GALNS: variants seen among roughly 807,000 people sequenced by gnomAD.
The protein encoded by GALNS is N-acetylgalactosamine-6-sulfatase.
GALNS carries 65 observed loss-of-function variants against 65.9 expected under a neutral mutation model. The observed-to-expected ratio is 0.99, with a 90% CI of 0.81 to 1.21. The LOEUF is 1.21. Ranked by LOEUF, GALNS falls within the 50% of genes most tolerant of loss-of-function variation. GALNS has a pLI of 0.00. For missense variants in GALNS, 776 were observed against 700.7 expected (o/e 1.11, Z -1.21); for synonymous variants, 346 against 288.9 (o/e 1.20, Z -2.00).
intron 1 of GALNS, among the ~76,000 whole-genome samples, chr16:88,853,418 G>A (rs1967601213): frequency 6.6e-6 from 1 of 152,138 alleles, no homozygotes; most frequent in South Asian, 2.1e-4. Context: ...AAGACGAGCA[G>A]GCCAGTGCTT....
At chr16:88,845,971 G>A (rs1440832708) in intron 1 of GALNS, among the ~76,000 whole-genome samples, 5 of 152,134 alleles carry the variant, frequency 3.3e-5, no homozygotes, top group Admixed American at 1.3e-4. Context: ...CTGGGCAACA[G>A]GGTGAGACAC....
chr16:88,830,186 G>A (rs1458461672), intron 9 of GALNS, among the ~76,000 whole-genome samples: 1 of 137,552 alleles, frequency 7.3e-6, no homozygotes, highest in African/African-American at 2.8e-5. Flanking sequence ...AGCCGAGATT[G>A]CACTACTGCA....
intron 8 of GALNS, among the ~76,000 whole-genome samples, chr16:88,833,094 A>G (rs1043005662): frequency 3.3e-5 from 5 of 151,718 alleles, no homozygotes; most frequent in South Asian, 2.1e-4. Context: ...AAAAAAAAAA[A>G]AAAAAAGAAA....
intron 12 of GALNS, among the ~76,000 whole-genome samples, chr16:88,819,866 A>C (rs1157726470): frequency 6.6e-6 from 1 of 151,468 alleles, no homozygotes; most frequent in Non-Finnish European, 1.5e-5. Context: ...GCTAATTTTT[A>C]TATTTTTAGT....
At chr16:88,837,377 C>A (rs1401900444) in intron 5 of GALNS, among the ~76,000 whole-genome samples, 2 of 152,304 alleles carry the variant, frequency 1.3e-5, no homozygotes, top group East Asian at 3.9e-4. Flanking sequence ...CTTCCTCTCT[C>A]AGGACAGCTA....
chr16:88,817,038 G>A (rs1597521632), intron 13 of GALNS: 2 of 985,452 alleles, frequency 2.0e-6, no homozygotes, highest in Non-Finnish European at 2.4e-6. Context: ...TTGCCGACTA[G>A]AGCGAGGGCC....
intron 1 of GALNS, among the ~76,000 whole-genome samples, chr16:88,849,138 A>G (rs1275816025): frequency 2.0e-5 from 3 of 152,110 alleles, no homozygotes; most frequent in African/African-American, 4.8e-5. Flanking sequence ...TTTTTGAGAC[A>G]GGGTCTCACT....
intron 2 of GALNS, 69 bp downstream of exon 2, chr16:88,842,637 G>A (rs1967027419): frequency 6.3e-7 from 1 of 1,581,426 alleles, no homozygotes; most frequent in Non-Finnish European, 8.6e-7. Context: ...AGTCAGGGCT[G>A]GAAGGACCCG....
At chr16:88,855,045 C>T in intron 1 of GALNS, 2 of 380,150 alleles carry the variant, frequency 5.3e-6, no homozygotes, top group Non-Finnish European at 1.0e-5. Flanking sequence ...TGAACCCTTG[C>T]TGTCCTATGG....
intron 8 of GALNS, 109 bp from the exon 9 acceptor site, chr16:88,832,210 CAA>C: frequency 1.0e-6 from 1 of 995,088 alleles, no homozygotes; most frequent in Non-Finnish European, 1.6e-6. Flanking sequence ...AGGGCCCGGC[CAA>C]GGCACTCTGG....
chr16:88,817,834 C>T (rs766502496), intron 13 of GALNS, among the ~76,000 whole-genome samples, 173 bp downstream of exon 13: 1 of 152,228 alleles, frequency 6.6e-6, no homozygotes, highest in Non-Finnish European at 1.5e-5. Context: ...TGGCTCCTGC[C>T]TCCCGAATCC....
At position 88,856,927 on chromosome 16, in the gene GALNS, C is replaced by G; in HGVS notation, c.-50G>C. 6.8e-7 allele frequency: 1 copy of G among 1,478,186 alleles called. No individual in the cohort carries two copies. Among genetic ancestry groups the G allele is most frequent in the Non-Finnish European group, 8.9e-7 (1 of 1,122,676 alleles). 91.6% of individuals were successfully genotyped at this position (1,478,186 alleles called of 1,614,324 possible). On this transcript the variant is annotated 5_prime_UTR_variant, in exon 1 of 14. Coordinates refer to ENST00000268695, the MANE Select transcript of GALNS (RefSeq NM_000512.5). ...CCGGCCAGCGAGCCGACCTAGCGAG[C>G]GTCCGCCGGCCCTTCCGGCTGGGCT...
intron 1 of GALNS, chr16:88,855,795 C>T (rs909315570): frequency 1.9e-6 from 1 of 522,596 alleles, no homozygotes; most frequent in African/African-American, 1.9e-5. Context: ...GTGGCCCCCA[C>T]TGGTCAGCAC....
chr16:88,856,587 C>CT (rs1340611911), intron 1 of GALNS, 171 bp downstream of exon 1: 1 of 611,370 alleles, frequency 1.6e-6, no homozygotes, highest in Non-Finnish European at 3.0e-6. Context: ...GGATACCCCC[C>CT]GTCCCCTCCC....
At chr16:88,852,757 G>A (rs1462188786) in intron 1 of GALNS, among the ~76,000 whole-genome samples, 4 of 152,344 alleles carry the variant, frequency 2.6e-5, no homozygotes, top group Non-Finnish European at 5.9e-5. Flanking sequence ...TTCAGTAGCC[G>A]ATTCGATCTA....
At position 88,814,338 on chromosome 16, in the gene GALNS, T is replaced by C; in HGVS notation, c.*101A>G. On this transcript the variant is annotated 3_prime_UTR_variant, in exon 14 of 14. Coordinates refer to ENST00000268695, the MANE Select transcript of GALNS (RefSeq NM_000512.5). Reference sequence around the variant, plus strand: ...CGTCTGCAGGTGCTGTCTGTCTGGCTTGGGCAGGGTTGGGGGAGGACCGAG... The same window carrying C: ...CGTCTGCAGGTGCTGTCTGTCTGGCCTGGGCAGGGTTGGGGGAGGACCGAG... The C allele has an allele frequency of 6.8e-7, 1 of 1,469,476 alleles. No individual in the cohort carries two copies. The highest frequency in any genetic ancestry group is 9.3e-7 in the Non-Finnish European group (1 of 1,075,738). The allele number at this position is 1,469,476 out of a possible 1,614,324, so 91.0% of individuals were successfully genotyped here. A position where few individuals can be genotyped will look rare whatever the true frequency, so the allele number is the denominator to read the frequency against.
At chr16:88,829,926 A>C (rs941783334) in intron 9 of GALNS, among the ~76,000 whole-genome samples, 1 of 152,198 alleles carries the variant, frequency 6.6e-6, no homozygotes, top group Non-Finnish European at 1.5e-5. Context: ...GGACACAGCC[A>C]CAGGGTCCTC....
rs377591464 is a variant in GALNS at position 88,835,279 on chromosome 16, C to A, written c.832G>T (p.Ala278Ser). 6.2e-7 allele frequency: 1 copy of A among 1,612,486 alleles called. No individual in the cohort carries two copies. Among genetic ancestry groups the A allele is most frequent in the East Asian group, 2.2e-5 (1 of 44,868 alleles). ...GTGAAGAAGACGAAGGTGTTGTCCG[C>A]GACGTGCAGGTCTTGGAGGAGCTCC... ...ILELLQDLHV[A>S]DNTFVFFTSD... The change falls in exon 8 of 14, where the codon GCG (alanine) becomes TCG (serine). Residue 278 changes from alanine (A) to serine (S), a missense_variant. Physicochemically the swap from Ala to Ser is moderately conservative, Grantham distance 99. Transcript: ENST00000268695.
chr16:88,850,550 C>CAG (rs1292987276), intron 1 of GALNS, among the ~76,000 whole-genome samples: 1 of 152,192 alleles, frequency 6.6e-6, no homozygotes, highest in African/African-American at 2.4e-5. Context: ...ACCACTGACT[C>CAG]AGAAGATACC....
Sources: gnomAD v4.1 joint callset for allele counts (sites outside exome capture counted in the v4.1 genomes callset) on GRCh38, gnomAD v4.1.1 for gene constraint, MANE v1.5 for transcripts, NCBI Gene and HGNC (gene_info 2026-07-23, HGNC 2026-07-21) for gene names.